Variants in PTPRD observed in about 807,000 individuals in gnomAD.
The protein encoded by PTPRD is receptor-type tyrosine-protein phosphatase delta.
Under a neutral mutation model 214.5 loss-of-function variants are expected in PTPRD, and 34 were observed. The ratio of observed to expected loss-of-function variants is 0.16; its 90% CI spans 0.12 to 0.21. The LOEUF (loss-of-function observed/expected upper bound fraction) is 0.21. Ranked by LOEUF, PTPRD falls within the 10% of genes least tolerant of loss-of-function variation. The pLI is 1.00. For missense variants in PTPRD, 2,545 were observed against 2,398.7 expected, an observed-to-expected ratio of 1.06 and a Z score of -1.27; for synonymous variants, 1,128 against 845.7, an observed-to-expected ratio of 1.33 and a Z score of -5.79.
In PTPRD at chr9:9,368,262, C is replaced by T. The variant is rs914992566; in HGVS notation, c.-203+29187G>A. 4.0e-5 allele frequency among the ~76,000 whole-genome samples: 6 copies of T among 151,704 alleles called. No individual in the cohort carries two copies. In the East Asian group the frequency reaches 9.7e-4, roughly 25 times the overall value. The stretch of plus-strand genomic sequence containing the variant: ...TGGGCCTTATCTCCTTCAACTTTAC[C>T]ATAGAAATTATGACTTGAGCCTCAC... On this transcript the variant is annotated intron_variant, in intron 9 of 45. Transcript: ENST00000381196.
intron 11 of PTPRD, among the ~76,000 whole-genome samples, chr9:8,848,955 A>T (rs761262195): frequency 8.0e-5 from 10 of 125,748 alleles, no homozygotes; most frequent in Non-Finnish European, 1.6e-4. Context: ...CTGGCATATA[A>T]TAAATGCTCA....
intron 9 of PTPRD, among the ~76,000 whole-genome samples, chr9:9,389,151 T>C (rs1036407189): frequency 6.6e-6 from 1 of 152,114 alleles, no homozygotes; most frequent in Non-Finnish European, 1.5e-5. Context: ...ATGTAAAACA[T>C]GTAAAATAGG....
At chr9:9,543,039 C>T (rs58287117) in intron 8 of PTPRD, among the ~76,000 whole-genome samples, 34,440 of 151,328 alleles carry the variant, frequency 0.23, 4,251 homozygotes, top group Non-Finnish European at 0.26. Context: ...AATAATCATA[C>T]CAATTGAAAA....
intron 11 of PTPRD, among the ~76,000 whole-genome samples, chr9:8,921,060 C>T (rs573385353): frequency 8.9e-4 from 136 of 152,250 alleles, no homozygotes; most frequent in African/African-American, 2.9e-3. Flanking sequence ...GCAATCCGCG[C>T]GCCTCGGCCT....
intron 3 of PTPRD, among the ~76,000 whole-genome samples, chr9:10,190,818 C>G (rs2099360824): frequency 6.6e-6 from 1 of 150,722 alleles, no homozygotes; most frequent in African/African-American, 2.4e-5. Flanking sequence ...GTTTATGAGT[C>G]TAGCAACAAA....
chr9:8,803,380 G>C (rs2096610175), intron 11 of PTPRD, among the ~76,000 whole-genome samples: 1 of 152,092 alleles, frequency 6.6e-6, no homozygotes, highest in South Asian at 2.1e-4. Context: ...AGTGAAATTA[G>C]TTTTGCCGAT....
At chr9:9,071,779 C>A (rs1210798536) in intron 10 of PTPRD, among the ~76,000 whole-genome samples, 1 of 152,156 alleles carries the variant, frequency 6.6e-6, no homozygotes, top group Non-Finnish European at 1.5e-5. Flanking sequence ...GCTCTTGATT[C>A]ATAAAAACTG....
At chr9:10,325,549 C>T (rs1051596885) in intron 3 of PTPRD, among the ~76,000 whole-genome samples, 6 of 151,886 alleles carry the variant, frequency 4.0e-5, no homozygotes, top group Non-Finnish European at 8.8e-5. Context: ...AACTGCTAAA[C>T]AATATCTCTG....
chr9:10,552,225 C>T (rs376499900), intron 2 of PTPRD, among the ~76,000 whole-genome samples: 29 of 151,484 alleles, frequency 1.9e-4, no homozygotes, highest in Non-Finnish European at 2.6e-4. Context: ...GCAGGCCATT[C>T]GACACTAATA....
At chr9:9,693,341 T>A (rs953280978) in intron 7 of PTPRD, among the ~76,000 whole-genome samples, 3 of 152,132 alleles carry the variant, frequency 2.0e-5, no homozygotes, top group Non-Finnish European at 4.4e-5. Context: ...GAGTGGATTA[T>A]CATGAGATCT....
chr9:8,525,411 C>T (rs552664721), intron 17 of PTPRD, among the ~76,000 whole-genome samples: 3 of 151,768 alleles, frequency 2.0e-5, no homozygotes, highest in Admixed American at 6.6e-5. Flanking sequence ...CATTTGGGTA[C>T]CAAAAGTGGC....
intron 9 of PTPRD, among the ~76,000 whole-genome samples, chr9:9,372,831 T>C (rs148521892): frequency 4.6e-4 from 70 of 152,192 alleles, no homozygotes; most frequent in African/African-American, 1.7e-3. Flanking sequence ...CTCTCAGCAT[T>C]TGCTTGTTTG....
chr9:8,862,751 T>G (rs2098128692), intron 11 of PTPRD, among the ~76,000 whole-genome samples: 1 of 152,214 alleles, frequency 6.6e-6, no homozygotes, highest in Non-Finnish European at 1.5e-5. Flanking sequence ...CTGTCCTCTT[T>G]AAGAAAAGAA....
At chr9:10,147,389 A>G (rs553074155) in intron 3 of PTPRD, among the ~76,000 whole-genome samples, 1 of 152,282 alleles carries the variant, frequency 6.6e-6, no homozygotes, top group South Asian at 2.1e-4. Context: ...ATAAAGACAC[A>G]TGCACACGTA....
At chr9:8,832,331 G>A (rs557306035) in intron 11 of PTPRD, among the ~76,000 whole-genome samples, 1 of 150,704 alleles carries the variant, frequency 6.6e-6, no homozygotes, top group Non-Finnish European at 1.5e-5. Flanking sequence ...CTGACAGTGG[G>A]TAACAGTGTA....
intron 3 of PTPRD, among the ~76,000 whole-genome samples, chr9:10,181,069 C>A (rs1231734917): frequency 6.6e-6 from 1 of 151,786 alleles, no homozygotes; most frequent in Admixed American, 6.6e-5. Context: ...TGCTGTAAGT[C>A]AAGAAAAACA....
chr9:9,311,212 A>G (rs1044258997), intron 9 of PTPRD, among the ~76,000 whole-genome samples: 2 of 152,172 alleles, frequency 1.3e-5, no homozygotes, highest in Non-Finnish European at 1.5e-5. Context: ...TTAGTTCCAA[A>G]GAAAAACTAA....
At chr9:9,400,883 C>T (rs368918911) in intron 8 of PTPRD, among the ~76,000 whole-genome samples, 230 of 152,158 alleles carry the variant, frequency 1.5e-3, no homozygotes, top group African/African-American at 5.2e-3. Context: ...TAGAATTACC[C>T]ATCCACTTCT....
chr9:9,762,348 G>C (rs1375357173), intron 6 of PTPRD, among the ~76,000 whole-genome samples: 1 of 152,174 alleles, frequency 6.6e-6, no homozygotes. Context: ...TGAAGTGACA[G>C]TCTAGCTACA....
Sources: gnomAD v4.1 joint callset for allele counts (sites outside exome capture counted in the v4.1 genomes callset) on GRCh38, gnomAD v4.1.1 for gene constraint, MANE v1.5 for transcripts, NCBI Gene and HGNC (gene_info 2026-07-23, HGNC 2026-07-21) for gene names.